Variants in ABCC4 observed in about 807,000 individuals in gnomAD.
The protein encoded by ABCC4 is ATP-binding cassette sub-family C member 4.
A neutral mutation model predicts 168.5 loss-of-function variants in ABCC4; 102 were observed. The ratio of observed to expected loss-of-function variants is 0.61; its 90% confidence interval spans 0.52 to 0.71. The LOEUF is 0.71. Ranked by LOEUF, ABCC4 falls within the 30% of genes least tolerant of loss-of-function variation. The pLI is 0.00. For missense variants in ABCC4, 1,402 were observed against 1,605.8 expected, an observed-to-expected ratio of 0.87 and a Z score of 2.17; for synonymous variants, 617 against 590.7, an observed-to-expected ratio of 1.04 and a Z score of -0.65.
At chr13:95,111,398 T>C (rs2035200209) in intron 20 of ABCC4, among the ~76,000 whole-genome samples, 1 of 152,260 alleles carries the variant, frequency 6.6e-6, no homozygotes, top group Non-Finnish European at 1.5e-5. Flanking sequence ...AGACTGTTCA[T>C]TTGTATTCTA....
intron 1 of ABCC4, among the ~76,000 whole-genome samples, chr13:95,297,874 A>C (rs1331860752): frequency 6.6e-6 from 1 of 152,168 alleles, no homozygotes; most frequent in Non-Finnish European, 1.5e-5. Context: ...GGGGGTGGGA[A>C]CTACGAGGTG....
In ABCC4 at chr13:95,112,054, T is replaced by C. The variant is rs376242729; in HGVS notation, c.2535+3868A>G. ...CGTAATCAAACATGAATGCTCTGGATTAAAAAGGTCACATGAGGCCAGGTG... is the reference window on the plus strand; with the variant it reads ...CGTAATCAAACATGAATGCTCTGGACTAAAAAGGTCACATGAGGCCAGGTG... On this transcript the variant is annotated intron_variant, in intron 20 of 30. Transcript: ENST00000645237. Among the ~76,000 whole-genome samples, 192 of 152,250 alleles carry C rather than the reference T, an allele frequency of 1.3e-3. 9 individuals carry two copies. In the South Asian group the frequency reaches 0.039, roughly 31 times the overall value.
intron 1 of ABCC4, among the ~76,000 whole-genome samples, chr13:95,280,533 C>CA (rs2041091536): frequency 6.8e-6 from 1 of 146,700 alleles, no homozygotes; most frequent in Non-Finnish European, 1.5e-5. Context: ...CTGATATAGT[C>CA]AGTCACTAGT....
At chr13:95,100,330 T>A (rs1355900812) in intron 20 of ABCC4, among the ~76,000 whole-genome samples, 3 of 152,172 alleles carry the variant, frequency 2.0e-5, no homozygotes, top group Non-Finnish European at 4.4e-5. Flanking sequence ...GGAACACACA[T>A]GCTGGGAAAA....
intron 15 of ABCC4, 148 bp from the exon 16 acceptor site, chr13:95,164,666 G>T (rs1029126038): frequency 5.6e-6 from 4 of 712,250 alleles, no homozygotes; most frequent in Non-Finnish European, 6.7e-6. Context: ...GAAATAGCTA[G>T]CCAAACTATA....
intron 20 of ABCC4, among the ~76,000 whole-genome samples, chr13:95,098,006 T>C (rs1243029837): frequency 6.6e-6 from 1 of 151,886 alleles, no homozygotes; most frequent in Non-Finnish European, 1.5e-5. Flanking sequence ...TGTGGTGATG[T>C]GCGCCTGTAA....
intron 19 of ABCC4, among the ~76,000 whole-genome samples, chr13:95,142,687 A>G (rs1046621065): frequency 5.3e-5 from 8 of 152,202 alleles, no homozygotes; most frequent in African/African-American, 1.7e-4. Flanking sequence ...CAAAGAACAA[A>G]TAGATGGCTA....
chr13:95,216,279 T>C (rs983583984), intron 4 of ABCC4, among the ~76,000 whole-genome samples: 4 of 152,194 alleles, frequency 2.6e-5, no homozygotes, highest in African/African-American at 4.8e-5. Context: ...GTCCATGTTA[T>C]AGTTTAAAAG....
At chr13:95,164,034 C>A (rs1422196535) in intron 16 of ABCC4, among the ~76,000 whole-genome samples, 1 of 112,164 alleles carries the variant, frequency 8.9e-6, no homozygotes, top group East Asian at 2.7e-4. Flanking sequence ...GAGCAAAACT[C>A]CATCTCAAAA....
intron 20 of ABCC4, among the ~76,000 whole-genome samples, chr13:95,094,938 A>G (rs1338485022): frequency 6.6e-6 from 1 of 152,210 alleles, no homozygotes; most frequent in Non-Finnish European, 1.5e-5. Flanking sequence ...TCAAAAACAC[A>G]ATGTGATACC....
chr13:95,063,771 G>A (rs547314854), intron 25 of ABCC4, among the ~76,000 whole-genome samples: 9 of 152,308 alleles, frequency 5.9e-5, no homozygotes, highest in African/African-American at 1.7e-4. Context: ...GGGGCAATAC[G>A]TCTATATTGT....
chr13:95,279,898 C>T (rs911098608), intron 1 of ABCC4, among the ~76,000 whole-genome samples: 1 of 152,146 alleles, frequency 6.6e-6, no homozygotes, highest in Non-Finnish European at 1.5e-5. Flanking sequence ...GCCCAATTCC[C>T]TGGGACCACC....
chr13:95,197,558 C>T (rs1307895240), intron 8 of ABCC4, among the ~76,000 whole-genome samples: 6 of 152,192 alleles, frequency 3.9e-5, no homozygotes, highest in East Asian at 1.9e-4. Flanking sequence ...GCTAGCTGGA[C>T]TTTCTCTAGT....
At position 95,212,855 on chromosome 13, in the gene ABCC4, C is replaced by T. The variant is rs903237905; in HGVS notation, c.532-2074G>A. On this transcript the variant is annotated intron_variant, in intron 4 of 30. Coordinates refer to ENST00000645237, the MANE Select transcript of ABCC4 (RefSeq NM_005845.5). ...ATTAATGAGGAAGACATGCCAGGTG[C>T]GGTGGCTCACACCTGTAATCCCAGC... 2.6e-5 allele frequency among the ~76,000 whole-genome samples: 4 copies of T among 152,110 alleles called. No individual in the cohort carries two copies. The East Asian group carries it at 5.8e-4, about 22-fold the overall frequency.
At chr13:95,287,679 A>T (rs147941691) in intron 1 of ABCC4, among the ~76,000 whole-genome samples, 3,922 of 152,168 alleles carry the variant, frequency 0.026, 76 homozygotes, top group Non-Finnish European at 0.041. Flanking sequence ...TGAGGCCATA[A>T]ATTTGAGGAT....
chr13:95,175,141 C>T (rs2037625301), intron 13 of ABCC4, among the ~76,000 whole-genome samples: 1 of 152,088 alleles, frequency 6.6e-6, no homozygotes, highest in South Asian at 2.1e-4. Context: ...CATGTCCAAA[C>T]CCCTGGAATC....
chr13:95,171,123 T>G (rs1030263364), intron 13 of ABCC4, among the ~76,000 whole-genome samples: 2 of 145,910 alleles, frequency 1.4e-5, no homozygotes, highest in African/African-American at 5.1e-5. Context: ...CAGACTCTTC[T>G]TCAAAAATAA....
At chr13:95,233,572 G>T (rs972733227) in intron 4 of ABCC4, among the ~76,000 whole-genome samples, 10 of 152,068 alleles carry the variant, frequency 6.6e-5, no homozygotes, top group South Asian at 2.1e-4. Context: ...TGGGGGATGG[G>T]ATCATCCATA....
At chr13:95,256,079 T>C (rs930180959) in intron 1 of ABCC4, among the ~76,000 whole-genome samples, 4 of 152,108 alleles carry the variant, frequency 2.6e-5, no homozygotes, top group Non-Finnish European at 5.9e-5. Context: ...CAGAATAAAA[T>C]GAAGAAATGT....
Sources: allele counts gnomAD v4.1 joint callset (sites outside exome capture counted in the v4.1 genomes callset), GRCh38; gene constraint gnomAD v4.1.1; transcripts MANE v1.5; gene names NCBI Gene and HGNC (gene_info 2026-07-23, HGNC 2026-07-21).